LRP1B: variants seen among roughly 807,000 people sequenced by gnomAD.
The protein encoded by LRP1B is low-density lipoprotein receptor-related protein 1B.
LRP1B carries 217 observed loss-of-function variants against 556.6 expected under a neutral mutation model. The ratio of observed to expected loss-of-function variants is 0.39; its 90% CI spans 0.35 to 0.44. The LOEUF is 0.44. LRP1B is among the 20% of genes least tolerant of loss of function. The pLI is 1.00. For synonymous variants in LRP1B, 2,047 were observed against 1,865.8 expected, an observed-to-expected ratio of 1.10 and a Z score of -2.50; for missense variants, 5,053 against 5,620.8, an observed-to-expected ratio of 0.90 and a Z score of 3.23.
At chr2:141,964,639 A>G (rs1421388307) in intron 1 of LRP1B, among the ~76,000 whole-genome samples, 2 of 150,632 alleles carry the variant, frequency 1.3e-5, no homozygotes, top group Non-Finnish European at 3.0e-5. Flanking sequence ...AACCATAAAA[A>G]CCCTAGAAGA....
chr2:141,897,490 A>G (rs1330877909), intron 1 of LRP1B, among the ~76,000 whole-genome samples: 1 of 152,132 alleles, frequency 6.6e-6, no homozygotes, highest in African/African-American at 2.4e-5. Context: ...TATTTTACAG[A>G]AGCTTAATAT....
At chr2:140,339,759 C>A (rs1051844300) in intron 77 of LRP1B, among the ~76,000 whole-genome samples, 4 of 151,394 alleles carry the variant, frequency 2.6e-5, no homozygotes, top group African/African-American at 9.7e-5. Context: ...TTTCATATAT[C>A]AATCAAGGAG....
intron 11 of LRP1B, among the ~76,000 whole-genome samples, chr2:141,027,368 G>T (rs57278894): frequency 0.074 from 11,312 of 152,114 alleles, 613 homozygotes; most frequent in African/African-American, 0.15. Context: ...GAGAGAATAA[G>T]AAGCAGAACA....
chr2:140,590,354 T>G (rs1014493460), intron 43 of LRP1B, among the ~76,000 whole-genome samples: 1 of 149,410 alleles, frequency 6.7e-6, no homozygotes, highest in African/African-American at 2.4e-5. Context: ...TATATATATA[T>G]ATAGATGAAT....
chr2:141,088,926 GT>G (rs1700110577), intron 7 of LRP1B, among the ~76,000 whole-genome samples: 4 of 152,008 alleles, frequency 2.6e-5, no homozygotes, highest in Admixed American at 2.6e-4. Flanking sequence ...CATAAAAGGG[GT>G]TTTTCTGGAC....
chr2:141,470,963 T>A (rs755885204), intron 3 of LRP1B, among the ~76,000 whole-genome samples: 3 of 152,200 alleles, frequency 2.0e-5, no homozygotes, highest in Admixed American at 2.0e-4. Flanking sequence ...TAAATGTTAT[T>A]TGAAAAGGAT....
intron 31 of LRP1B, among the ~76,000 whole-genome samples, chr2:140,826,167 A>G (rs1002239133): frequency 5.3e-5 from 8 of 152,208 alleles, no homozygotes; most frequent in African/African-American, 1.7e-4. Context: ...TCAGGATCTC[A>G]TAAGTCAAAA....
At chr2:141,720,390 T>C (rs1692769139) in intron 2 of LRP1B, among the ~76,000 whole-genome samples, 1 of 152,136 alleles carries the variant, frequency 6.6e-6, no homozygotes, top group South Asian at 2.1e-4. Context: ...AAATGAATGG[T>C]ATAACATTTT....
At chr2:140,410,461 T>G (rs1573905583) in intron 66 of LRP1B, among the ~76,000 whole-genome samples, 1 of 152,238 alleles carries the variant, frequency 6.6e-6, no homozygotes, top group African/African-American at 2.4e-5. Context: ...TTTATTCACC[T>G]TTTAATAAGC....
chr2:140,456,227 T>C (rs1029453880), intron 62 of LRP1B, among the ~76,000 whole-genome samples: 17 of 152,308 alleles, frequency 1.1e-4, no homozygotes, highest in African/African-American at 3.6e-4. Context: ...ATCTGTGAAA[T>C]AATTTTTTCT....
chr2:141,359,758 GCGCCC>G (rs371145040), intron 3 of LRP1B, among the ~76,000 whole-genome samples: 59,738 of 141,990 alleles, frequency 0.42, 12,931 homozygotes, highest in Non-Finnish European at 0.54. Context: ...TTCGGCCCCC[GCGCCC>G]CGCCCCGCCC....
intron 2 of LRP1B, among the ~76,000 whole-genome samples, chr2:141,807,205 A>G (rs992486352): frequency 2.0e-5 from 3 of 152,106 alleles, no homozygotes; most frequent in African/African-American, 7.2e-5. Flanking sequence ...ATTACAGAAA[A>G]TGATAATGGT....
chr2:141,254,426 G>C (rs1684384036), intron 4 of LRP1B, 96 bp downstream of exon 4: 2 of 1,234,278 alleles, frequency 1.6e-6, no homozygotes, highest in Non-Finnish European at 2.3e-6. Context: ...CATAAACACT[G>C]TAGAGCACAT....
intron 67 of LRP1B, among the ~76,000 whole-genome samples, chr2:140,382,769 C>G (rs1042209658): frequency 6.6e-6 from 1 of 152,246 alleles, no homozygotes; most frequent in Admixed American, 6.5e-5. Flanking sequence ...GATTCATAAA[C>G]AAAGAAGTCC....
In LRP1B at chr2:140,587,170, G is replaced by C. The variant is rs570615404; in HGVS notation, c.7194+11461C>G. 5.3e-5 allele frequency among the ~76,000 whole-genome samples: 8 copies of C among 152,136 alleles called. No individual in the cohort carries two copies. In the South Asian group the frequency reaches 1.7e-3, roughly 32 times the overall value. ...GAAAATAGCCAGTCACAACAACAAA[G>C]AAAAAGCAGAAAGAAAGAAAACTGA... On this transcript the variant is annotated intron_variant, in intron 43 of 90. Coordinates refer to ENST00000389484, the MANE Select transcript of LRP1B (RefSeq NM_018557.3).
intron 15 of LRP1B, among the ~76,000 whole-genome samples, chr2:140,998,526 C>G (rs993776423): frequency 6.6e-6 from 1 of 151,936 alleles, no homozygotes; most frequent in Non-Finnish European, 1.5e-5. Flanking sequence ...GTAGTAAGTT[C>G]CAAGTTACTA....
intron 2 of LRP1B, among the ~76,000 whole-genome samples, chr2:141,506,177 T>G (rs4575660): frequency 0.77 from 117,168 of 151,978 alleles, 45,545 homozygotes; most frequent in East Asian, 0.91. Context: ...GATTTCTTTG[T>G]GATTTAATAC....
At chr2:140,321,617 T>C (rs1680137533) in intron 82 of LRP1B, among the ~76,000 whole-genome samples, 1 of 151,816 alleles carries the variant, frequency 6.6e-6, no homozygotes, top group African/African-American at 2.4e-5. Context: ...ATAAATGGAT[T>C]TTGGGGCTGA....
rs557923299 is a variant in LRP1B, at chr2:141,363,755, A to G, written c.344-109114T>C. Among the ~76,000 whole-genome samples the G allele has an allele frequency of 1.4e-3, 207 of 152,302 alleles. 1 individual carries two copies. The highest frequency in any genetic ancestry group is 4.1e-3 in the African/African-American group (170 of 41,596). The stretch of plus-strand genomic sequence containing the variant: ...AATATACTTAAGACATTTTCTACTT[A>G]AATGCTGAAAAAATTCCCCAATTAT... On this transcript the variant is annotated intron_variant, in intron 3 of 90. Transcript: ENST00000389484.
Sources: gnomAD v4.1 joint callset for allele counts (sites outside exome capture counted in the v4.1 genomes callset) on GRCh38, gnomAD v4.1.1 for gene constraint, MANE v1.5 for transcripts, NCBI Gene and HGNC (gene_info 2026-07-23, HGNC 2026-07-21) for gene names.